FRMD5: variants seen among roughly 807,000 people sequenced by gnomAD.
FRMD5 encodes FERM domain containing 5.
FRMD5 carries 20 observed loss-of-function variants against 69.0 expected under a neutral mutation model. That is an observed-to-expected ratio of 0.29 (90% CI 0.20 to 0.42). The LOEUF (loss-of-function observed/expected upper bound fraction) is 0.42. Among genes scored for constraint, FRMD5 ranks in the 10% least tolerant of loss-of-function variants. The pLI, the probability that FRMD5 is intolerant of heterozygous loss-of-function variation, is 1.00. For synonymous variants in FRMD5, 271 were observed against 260.1 expected (o/e 1.04, Z -0.40); for missense variants, 595 against 708.6 (o/e 0.84, Z 1.82).
chr15:43,902,090 C>T lies in FRMD5; in HGVS notation c.639+85G>A, dbSNP rs781433479. 62 of 927,226 alleles carry T rather than the reference C, an allele frequency of 6.7e-5. No individual in the cohort carries two copies. In the South Asian group the frequency reaches 7.7e-4, roughly 12 times the overall value. The allele number at this position is 927,226 out of a possible 1,614,324, so 57.4% of individuals were successfully genotyped here. A position where few individuals can be genotyped will look rare whatever the true frequency, so the allele number is the denominator to read the frequency against. On this transcript the variant is annotated intron_variant, in intron 7 of 13. Transcript: ENST00000417257. ...CCAGCCATGTAAACGTTGAAGGGGGCCTCTGAGCGCAGGCATGGGGGCTCT... is the reference window on the plus strand; with the variant it reads ...CCAGCCATGTAAACGTTGAAGGGGGTCTCTGAGCGCAGGCATGGGGGCTCT...
At chr15:44,038,665 A>G (rs949613667) in intron 1 of FRMD5, among the ~76,000 whole-genome samples, 1 of 151,692 alleles carries the variant, frequency 6.6e-6, no homozygotes, top group Non-Finnish European at 1.5e-5. Flanking sequence ...AGTTCATCTC[A>G]TTGGGACTGG....
At chr15:44,153,219 T>C (rs1160783660) in intron 1 of FRMD5, among the ~76,000 whole-genome samples, 1 of 152,172 alleles carries the variant, frequency 6.6e-6, no homozygotes. Context: ...GGTGGGTATA[T>C]ACTCAAAATA....
At chr15:43,922,340 G>GAT (rs1259860895) in intron 2 of FRMD5, among the ~76,000 whole-genome samples, 2 of 152,328 alleles carry the variant, frequency 1.3e-5, no homozygotes, top group East Asian at 3.9e-4. Flanking sequence ...TTAAGGATGA[G>GAT]ATGGAATAAC....
chr15:44,045,829 T>C (rs1325642872), intron 1 of FRMD5, among the ~76,000 whole-genome samples: 2 of 152,206 alleles, frequency 1.3e-5, no homozygotes, highest in Non-Finnish European at 1.5e-5. Context: ...CTGACTTTAA[T>C]ATCAGGTCAA....
At chr15:43,988,152 C>T (rs954442279) in intron 1 of FRMD5, among the ~76,000 whole-genome samples, 1 of 152,090 alleles carries the variant, frequency 6.6e-6, no homozygotes, top group African/African-American at 2.4e-5. Flanking sequence ...ACAGATGAAG[C>T]TTCTCTTGCC....
chr15:44,159,676 T>A (rs186083463), intron 1 of FRMD5, among the ~76,000 whole-genome samples: 78 of 152,220 alleles, frequency 5.1e-4, no homozygotes, highest in African/African-American at 1.9e-3. Flanking sequence ...TCAGGAAGCA[T>A]TGGTAATTCT....
At chr15:43,908,606 C>T (rs2089225433) in intron 5 of FRMD5, among the ~76,000 whole-genome samples, 2 of 152,134 alleles carry the variant, frequency 1.3e-5, no homozygotes, top group South Asian at 4.1e-4. Flanking sequence ...GATTTTAGTG[C>T]TGTCGTCCAA....
intron 1 of FRMD5, among the ~76,000 whole-genome samples, chr15:44,047,225 C>T (rs963907908): frequency 1.3e-5 from 2 of 152,012 alleles, no homozygotes; most frequent in Non-Finnish European, 2.9e-5. Flanking sequence ...AGAAGAATTG[C>T]TTAAACCCAG....
At chr15:44,021,219 G>A (rs1891194562) in intron 1 of FRMD5, among the ~76,000 whole-genome samples, 1 of 152,186 alleles carries the variant, frequency 6.6e-6, no homozygotes. Context: ...CTGGGAGGCA[G>A]ATGTTGCAGT....
intron 1 of FRMD5, among the ~76,000 whole-genome samples, chr15:43,937,253 T>C (rs1245906973): frequency 2.0e-5 from 3 of 152,192 alleles, no homozygotes; most frequent in South Asian, 2.1e-4. Flanking sequence ...GGGTGATAAA[T>C]GATAACATAG....
chr15:44,005,857 C>G (rs1306624891), intron 1 of FRMD5, among the ~76,000 whole-genome samples: 2 of 152,142 alleles, frequency 1.3e-5, no homozygotes, highest in East Asian at 3.8e-4. Context: ...GAGATCTGGG[C>G]AGGGACACAC....
At chr15:43,933,540 T>C (rs932930262) in intron 1 of FRMD5, among the ~76,000 whole-genome samples, 2 of 152,230 alleles carry the variant, frequency 1.3e-5, no homozygotes, top group African/African-American at 4.8e-5. Flanking sequence ...CTTGTAGCTC[T>C]TGAAGCCAAG....
At chr15:44,109,749 C>T (rs1185753293) in intron 1 of FRMD5, among the ~76,000 whole-genome samples, 2 of 152,184 alleles carry the variant, frequency 1.3e-5, no homozygotes, top group African/African-American at 4.8e-5. Context: ...GTATATCCAT[C>T]ACTGTCATAT....
chr15:44,024,199 ATTTGT>A (rs369756577), intron 1 of FRMD5, among the ~76,000 whole-genome samples: 2 of 152,020 alleles, frequency 1.3e-5, no homozygotes, highest in Non-Finnish European at 2.9e-5. Context: ...GTGGCAGATC[ATTTGT>A]TTTAACTCCC....
intron 13 of FRMD5, chr15:43,876,257 T>C: frequency 6.5e-7 from 1 of 1,529,300 alleles, no homozygotes; most frequent in Non-Finnish European, 8.9e-7. Context: ...TGGAAGCTTG[T>C]TGTTGAACTC....
At chr15:44,148,733 G>T (rs926372256) in intron 1 of FRMD5, among the ~76,000 whole-genome samples, 9 of 152,146 alleles carry the variant, frequency 5.9e-5, no homozygotes, top group Non-Finnish European at 1.0e-4. Context: ...TAATGCTATC[G>T]CACTTAGTAA....
chr15:44,198,968 C>A (rs1215138352), upstream of FRMD5, among the ~76,000 whole-genome samples: 7 of 152,176 alleles, frequency 4.6e-5, no homozygotes, highest in Admixed American at 1.3e-4. Flanking sequence ...TCCTTCTCTA[C>A]TATGAGGGAG....
At chr15:43,990,048 C>A (rs1889596000) in intron 1 of FRMD5, 8 of 750,584 alleles carry the variant, frequency 1.1e-5, no homozygotes, top group Non-Finnish European at 1.7e-5. Flanking sequence ...GACCCATGCC[C>A]ACCGTCACGC....
At chr15:44,011,142 C>T (rs1416638637) in intron 1 of FRMD5, among the ~76,000 whole-genome samples, 1 of 151,978 alleles carries the variant, frequency 6.6e-6, no homozygotes, top group Non-Finnish European at 1.5e-5. Flanking sequence ...CTTGGATGCC[C>T]AGCTAAGTAG....
Sources: gnomAD v4.1 joint callset for allele counts (sites outside exome capture counted in the v4.1 genomes callset) on GRCh38, gnomAD v4.1.1 for gene constraint, MANE v1.5 for transcripts, NCBI Gene and HGNC (gene_info 2026-07-23, HGNC 2026-07-21) for gene names.